The following TPR variants were observed in gnomAD, a reference collection of about 807,000 sequenced individuals.
TPR encodes translocated promoter region, nuclear basket protein.
Under a neutral mutation model 316.1 loss-of-function variants are expected in TPR, and 51 were observed. That is an observed-to-expected ratio of 0.16 (90% CI 0.13 to 0.20). TPR has a LOEUF of 0.20. Ranked by LOEUF, TPR falls within the 10% of genes least tolerant of loss-of-function variation. The pLI is 1.00. For missense variants in TPR, 2,272 were observed against 2,754.8 expected (o/e 0.82, Z 3.92); for synonymous variants, 981 against 914.7 (o/e 1.07, Z -1.31).
chr1:186,343,512 A>ATG (rs1658575401), intron 26 of TPR, 39 bp from the exon 27 acceptor site: 1 of 1,583,636 alleles, frequency 6.3e-7, no homozygotes, highest in Admixed American at 1.8e-5. Context: ...TGTGAATTTT[A>ATG]AAAAGCCAAC....
At position 186,356,407 on chromosome 1, in the gene TPR, T is replaced by C. The variant is rs375307927; in HGVS notation, c.1767A>G (p.Glu589=). 11 of 1,613,608 alleles carry C rather than the reference T, an allele frequency of 6.8e-6. No homozygotes were observed. The highest frequency in any genetic ancestry group is 9.3e-6 in the Non-Finnish European group (11 of 1,179,642). ...GTCGTGATTTGCGGAGTTGTTCTAG[T>C]TCAGTAAGGGCACTCTCAAGTTTGA... is the stretch of plus-strand genomic sequence containing the variant. ...LQLKLESALT[E]LEQLRKSRQH... is the part of the protein sequence containing the mutation. Residue 589 remains glutamate (E), a synonymous_variant, in exon 15 of 51, where the codon GAA becomes GAG. Transcript: ENST00000367478.
intron 2 of TPR, among the ~76,000 whole-genome samples, chr1:186,371,262 A>G (rs1659515742): frequency 6.6e-6 from 1 of 152,208 alleles, no homozygotes; most frequent in Admixed American, 6.5e-5. Flanking sequence ...AATCAAATGT[A>G]TAATAATCCT....
chr1:186,361,209 T>G (rs1351576521), intron 9 of TPR, among the ~76,000 whole-genome samples: 1 of 152,000 alleles, frequency 6.6e-6, no homozygotes, highest in Non-Finnish European at 1.5e-5. Flanking sequence ...AGGAAATTAT[T>G]GGAAAAGACC....
At position 186,359,804 on chromosome 1, in the gene TPR, T is replaced by C. The variant is rs757801260; in HGVS notation, c.1384A>G (p.Met462Val). ...ATTTTAGGAATGGAACCAACCTTCA[T>C]AGCTTGTTCAAGCTTAACAGATAAA... ...ASLSVKLEQA[M>V]KEIQRLQEDT... The change falls in exon 12 of 51, where the codon ATG becomes GTG. Residue 462 changes from methionine to valine, a missense_variant. Transcript: ENST00000367478. 1.3e-5 allele frequency: 21 copies of C among 1,581,316 alleles called. No homozygotes were observed. The South Asian group carries it at 2.3e-4, about 17-fold the overall frequency.
Position 186,317,587 on chromosome 1 carries a change from C to T in TPR, c.6835G>A (p.Ala2279Thr). Residue 2279 changes from alanine to threonine, a missense_variant, in exon 49 of 51, where the codon GCA becomes ACA. Physicochemically the swap from Ala to Thr is moderately conservative, Grantham distance 58. Transcript: ENST00000367478. ...EAESEGISSEAGLEIDSQQEE... is the reference protein window; with the variant it reads ...EAESEGISSETGLEIDSQQEE... ...TGCTGGCTATCAATTTCTAGGCCTG[C>T]TTCTGAACTAATACTAAGGAAAAGA... is the stretch of plus-strand genomic sequence containing the variant. 6.2e-7 allele frequency: 1 copy of T among 1,613,964 alleles called. No homozygotes were observed. Among genetic ancestry groups the T allele is most frequent in the Non-Finnish European group, 8.5e-7 (1 of 1,179,960 alleles).
chr1:186,336,401 A>G, intron 33 of TPR, 95 bp downstream of exon 33: 4 of 1,187,740 alleles, frequency 3.4e-6, no homozygotes, highest in Non-Finnish European at 4.9e-6. Context: ...CACCCTTCAT[A>G]AGTAGATACC....
In TPR at chr1:186,337,068, T is replaced by C; in HGVS notation, c.4451A>G (p.Asn1484Ser). The C allele has an allele frequency of 6.2e-7, 1 of 1,613,948 alleles. No homozygotes were observed. Among genetic ancestry groups the C allele is most frequent in the Non-Finnish European group, 8.5e-7 (1 of 1,179,844 alleles). The change falls in exon 32 of 51, where the codon AAC becomes AGC. Residue 1484 changes from asparagine to serine, a missense_variant. Transcript: ENST00000367478. ...TGATTTTGATTTTGTTTCAGCTTGG[T>C]TGAGCGTTTCTTTGAGTTCCTGCAT... ...QEMQELKETL[N>S]QAETKSKSLE...
rs754435681 is a variant in TPR, at chr1:186,363,463, AT to A, written c.428-19del. The stretch of plus-strand genomic sequence containing the variant: ...AACATCCTCTAGAATGGTGAAGAGA[AT>A]TAAAAAATAATAACTAATTAACACT... On this transcript the variant is annotated intron_variant, in intron 4 of 50. Coordinates refer to ENST00000367478, the MANE Select transcript of TPR (RefSeq NM_003292.3). 4 of 1,526,258 alleles carry A rather than the reference AT, an allele frequency of 2.6e-6. No individual in the cohort carries two copies. The highest frequency in any genetic ancestry group is 3.6e-6 in the Non-Finnish European group (4 of 1,107,182). 94.5% of individuals were successfully genotyped at this position (1,526,258 alleles called of 1,614,324 possible).
rs1359835640 is a variant in TPR at position 186,362,373 on chromosome 1, C to A, written c.704G>T (p.Arg235Ile). 1 of 1,611,030 alleles carries A rather than the reference C, an allele frequency of 6.2e-7. No individual in the cohort carries two copies. The highest frequency in any genetic ancestry group is 1.1e-5 in the South Asian group (1 of 90,860). Reference sequence around the variant, plus strand: ...TAAGCCATTCATTTGTTCTTCCAGTCTAGAAACCTAAAAACAAAAAATAGA... The same window carrying A: ...TAAGCCATTCATTTGTTCTTCCAGTATAGAAACCTAAAAACAAAAAATAGA... ...NLENKKEEVS[R>I]LEEQMNGLKT... Residue 235 changes from arginine (R) to isoleucine (I), a missense_variant, in exon 7 of 51, where the codon AGA (arginine) becomes ATA (isoleucine). Physicochemically the swap from Arg to Ile is moderately conservative, Grantham distance 97. Around this residue, in one of 10 missense-constraint regions of TPR, gnomAD observed 549 missense variants for 598.6 expected, o/e 0.92. Coordinates refer to ENST00000367478, the MANE Select transcript of TPR (RefSeq NM_003292.3).
intron 29 of TPR, among the ~76,000 whole-genome samples, chr1:186,340,339 AGTATG>A (rs1350802028): frequency 6.6e-6 from 1 of 152,212 alleles, no homozygotes; most frequent in Non-Finnish European, 1.5e-5. Flanking sequence ...TTCGAACCAC[AGTATG>A]TTACATGGTT....
intron 34 of TPR, 24 bp from the exon 35 acceptor site, chr1:186,335,153 G>A: frequency 1.2e-6 from 2 of 1,601,248 alleles, no homozygotes; most frequent in Non-Finnish European, 1.7e-6. Context: ...GCTCTTGATT[G>A]TTGTTCCTAG....
chr1:186,339,434 T>C (rs1658441358), intron 30 of TPR, among the ~76,000 whole-genome samples: 1 of 152,032 alleles, frequency 6.6e-6, no homozygotes, highest in South Asian at 2.1e-4. Flanking sequence ...GAGAAATAAT[T>C]ATGAGGATAG....
chr1:186,362,887 CT>C lies in TPR; in HGVS notation c.645del (p.Asn217MetfsTer4). ...TDELLALGRE[K>X]GNEILELKCN... is the part of the protein sequence containing the mutation. ...CATTTAAGCTCTAGAATCTCATTCC[CT>C]TTTTCTCTTCCAAGAGCCAGAAGTT... On this transcript the variant is annotated frameshift_variant, in exon 6 of 51. Transcript: ENST00000367478. LOFTEE classifies it high-confidence loss of function. 6.2e-7 allele frequency: 1 copy of C among 1,609,562 alleles called. No individual in the cohort carries two copies. Among genetic ancestry groups the C allele is most frequent in the South Asian group, 1.1e-5 (1 of 90,600 alleles).
At chr1:186,334,283 T>C (rs753247581) in intron 36 of TPR, 42 bp downstream of exon 36, 31 of 1,520,032 alleles carry the variant, frequency 2.0e-5, no homozygotes, top group Non-Finnish European at 2.6e-5. Context: ...TCATAATAAA[T>C]CTAAATAAGC....
rs202035855 is a variant in TPR at position 186,333,378 on chromosome 1, C to T, written c.5199G>A (p.Gly1733=). 4.6e-5 allele frequency: 74 copies of T among 1,613,372 alleles called. 1 individual carries two copies. The East Asian group carries it at 1.4e-3, about 30-fold the overall frequency. ...VESQEAMQSE[G]PVEHVPVFGS... ...CAAAAACTGGAACATGTTCCACAGG[C>T]CCTTCTGACTGCATAGCTGAAAAAT... is the stretch of plus-strand genomic sequence containing the variant. Residue 1733 remains glycine, a synonymous_variant, in exon 37 of 51, where the codon GGG becomes GGA. Transcript: ENST00000367478.
chr1:186,321,938 A>G (rs1657787627), intron 45 of TPR, among the ~76,000 whole-genome samples: 1 of 152,220 alleles, frequency 6.6e-6, no homozygotes, highest in African/African-American at 2.4e-5. Flanking sequence ...CTTATAACTT[A>G]TGCAACAGAA....
At chr1:186,330,561 C>T (rs1233514805) in intron 39 of TPR, among the ~76,000 whole-genome samples, 5 of 151,978 alleles carry the variant, frequency 3.3e-5, no homozygotes, top group African/African-American at 4.8e-5. Context: ...TGTTTATATG[C>T]TCAGTTCCCC....
intron 42 of TPR, among the ~76,000 whole-genome samples, chr1:186,324,228 AAAATT>A (rs1657852242): frequency 6.6e-6 from 1 of 150,938 alleles, no homozygotes; most frequent in South Asian, 2.1e-4. Context: ...TAAAAACACT[AAAATT>A]AAAGTAAACA....
At chr1:186,325,245 A>C (rs1657886441) in intron 42 of TPR, among the ~76,000 whole-genome samples, 1 of 152,206 alleles carries the variant, frequency 6.6e-6, no homozygotes, top group Non-Finnish European at 1.5e-5. Context: ...ATTTCAAAAT[A>C]AAATTATTTT....
Sources: allele counts gnomAD v4.1 joint callset (sites outside exome capture counted in the v4.1 genomes callset), GRCh38; gene constraint gnomAD v4.1.1; regional missense constraint gnomAD v4.1.1; transcripts MANE v1.5; gene names NCBI Gene and HGNC (gene_info 2026-07-23, HGNC 2026-07-21).